Variants in PARD3B observed in about 807,000 individuals in gnomAD.
PARD3B encodes the protein par-3 family cell polarity regulator beta.
Under a neutral mutation model 130.2 loss-of-function variants are expected in PARD3B, and 103 were observed. The ratio of observed to expected loss-of-function variants is 0.79; its 90% CI spans 0.67 to 0.93. The LOEUF (loss-of-function observed/expected upper bound fraction) is 0.93, where lower values mean the gene tolerates loss of function less well. PARD3B is among the 40% of genes least tolerant of loss of function. PARD3B has a pLI of 0.00. For synonymous variants in PARD3B, 583 were observed against 553.2 expected (o/e 1.05, Z -0.76); for missense variants, 1,609 against 1,499.2 (o/e 1.07, Z -1.21).
chr2:205,130,219 T>A (rs1406469026), intron 10 of PARD3B, among the ~76,000 whole-genome samples: 1 of 152,136 alleles, frequency 6.6e-6, no homozygotes, highest in Non-Finnish European at 1.5e-5. Flanking sequence ...GAAGGTACTT[T>A]GAGATTAGTT....
intron 1 of PARD3B, among the ~76,000 whole-genome samples, chr2:204,552,749 A>T (rs1279451754): frequency 6.6e-6 from 1 of 152,178 alleles, no homozygotes; most frequent in Non-Finnish European, 1.5e-5. Flanking sequence ...CATTTGTTGA[A>T]TAGGGTGTCC....
At chr2:205,156,079 G>A (rs1300381630) in intron 10 of PARD3B, among the ~76,000 whole-genome samples, 31 of 152,056 alleles carry the variant, frequency 2.0e-4, no homozygotes, top group Non-Finnish European at 3.2e-4. Context: ...ATACTATGCA[G>A]CCATAAAAAA....
intron 1 of PARD3B, among the ~76,000 whole-genome samples, chr2:204,680,262 T>C (rs1262554176): frequency 6.6e-6 from 1 of 152,048 alleles, no homozygotes; most frequent in Admixed American, 6.5e-5. Flanking sequence ...TTCTTGTTGT[T>C]TTTGTATTAA....
intron 20 of PARD3B, among the ~76,000 whole-genome samples, chr2:205,496,345 C>T (rs1203001501): frequency 2.0e-5 from 3 of 152,020 alleles, no homozygotes; most frequent in Non-Finnish European, 4.4e-5. Context: ...ACCTTAAATA[C>T]CTATTTAGGA....
rs115140375 is a variant in PARD3B, at chr2:205,290,912, T to C, written c.2186-9618T>C. 8.0e-3 allele frequency among the ~76,000 whole-genome samples: 1,220 copies of C among 152,252 alleles called. 23 individuals are homozygous for C. Among genetic ancestry groups the C allele is most frequent in the African/African-American group, 0.027 (1,142 of 41,544 alleles). ...AGATGGCCATCTGTGAACCAGGAAG[T>C]AGGTCCTCAACAGACACTGAATCTG... On this transcript the variant is annotated intron_variant, in intron 16 of 22. Transcript: ENST00000406610.
At chr2:204,613,333 T>C (rs888029737) in intron 1 of PARD3B, among the ~76,000 whole-genome samples, 1 of 152,156 alleles carries the variant, frequency 6.6e-6, no homozygotes, top group African/African-American at 2.4e-5. Context: ...TTACCTGCCT[T>C]GTACCTCCAA....
At chr2:204,635,529 T>A (rs1411960137) in intron 1 of PARD3B, among the ~76,000 whole-genome samples, 1 of 152,212 alleles carries the variant, frequency 6.6e-6, no homozygotes, top group African/African-American at 2.4e-5. Context: ...TTGGAAATGT[T>A]ATCTGTTCTT....
intron 2 of PARD3B, among the ~76,000 whole-genome samples, chr2:204,798,484 G>A (rs551660914): frequency 3.9e-4 from 60 of 152,280 alleles, no homozygotes; most frequent in South Asian, 1.2e-3. Flanking sequence ...AATTCCTGGG[G>A]AAGTCCCAGT....
intron 1 of PARD3B, among the ~76,000 whole-genome samples, chr2:204,563,317 C>T (rs1004544914): frequency 5.4e-5 from 8 of 148,346 alleles, no homozygotes; most frequent in Non-Finnish European, 8.9e-5. Context: ...TTAGGGTCCA[C>T]CCTAATGACC....
chr2:205,238,938 A>G (rs1389643888), intron 15 of PARD3B, among the ~76,000 whole-genome samples: 1 of 90,968 alleles, frequency 1.1e-5, no homozygotes, highest in Non-Finnish European at 2.1e-5. Context: ...ATGTATGTGC[A>G]TATATATATA....
Position 204,726,206 on chromosome 2 carries a change from A to T in PARD3B, c.222+39924A>T, listed in dbSNP as rs1224229659. On this transcript the variant is annotated intron_variant, in intron 2 of 22. Coordinates refer to ENST00000406610, the MANE Select transcript of PARD3B (RefSeq NM_001302769.2). ...TATGTTGGGTGGTGACAGATAAAGG[A>T]ATGTACCTTTTCTTATGAAGAGTAA... Among the ~76,000 whole-genome samples, 5 of 152,290 alleles carry T rather than the reference A, an allele frequency of 3.3e-5. No individual in the cohort carries two copies. The East Asian group carries it at 9.7e-4, about 29-fold the overall frequency.
At chr2:205,423,124 T>C (rs1207189753) in intron 19 of PARD3B, among the ~76,000 whole-genome samples, 1 of 152,154 alleles carries the variant, frequency 6.6e-6, no homozygotes, top group Admixed American at 6.6e-5. Flanking sequence ...TCTGACAGAA[T>C]CACCATAGAC....
intron 3 of PARD3B, among the ~76,000 whole-genome samples, chr2:204,999,611 A>G (rs1315806978): frequency 2.0e-5 from 3 of 152,206 alleles, no homozygotes; most frequent in Non-Finnish European, 4.4e-5. Flanking sequence ...CAGAGCCACA[A>G]TCCCACTGAT....
rs1678372812 is a variant in PARD3B at position 205,589,333 on chromosome 2, T to A, written c.3261-26123T>A. On this transcript the variant is annotated intron_variant, in intron 22 of 22. Coordinates refer to ENST00000406610, the MANE Select transcript of PARD3B (RefSeq NM_001302769.2). The surrounding 1 kb of genome is among the most constrained non-coding windows in gnomAD (Gnocchi z 4.1). Reference sequence around the variant, plus strand: ...ATCAAATCCTGAGCCATATCACTCTTTTTATCAAATCACTATGCCACAGGA... The same window carrying A: ...ATCAAATCCTGAGCCATATCACTCTATTTATCAAATCACTATGCCACAGGA... Among the ~76,000 whole-genome samples, 1 of 152,172 alleles carries A rather than the reference T, an allele frequency of 6.6e-6. No homozygotes were observed. The highest frequency in any genetic ancestry group is 6.5e-5 in the Admixed American group (1 of 15,278).
intron 1 of PARD3B, among the ~76,000 whole-genome samples, chr2:204,587,052 G>A (rs1488176107): frequency 2.6e-5 from 4 of 152,152 alleles, no homozygotes; most frequent in African/African-American, 9.7e-5. Flanking sequence ...TGTAAAAATG[G>A]AGTGGAAACA....
Position 205,281,825 on chromosome 2 carries a change from T to G in PARD3B, c.2186-18705T>G, listed in dbSNP as rs1285313180. 2.6e-5 allele frequency among the ~76,000 whole-genome samples: 4 copies of G among 152,132 alleles called. No individual in the cohort carries two copies. The highest frequency in any genetic ancestry group is 5.9e-5 in the Non-Finnish European group (4 of 68,002). ...TAAAAAAGAGGAAGAAAAAGAAATT[T>G]TATACATGAGTTTACCCCTGAAATG... On this transcript the variant is annotated intron_variant, in intron 16 of 22. Coordinates refer to ENST00000406610, the MANE Select transcript of PARD3B (RefSeq NM_001302769.2). This position sits in a 1 kb window ranked among gnomAD's most constrained non-coding sequence, Gnocchi z 4.2.
chr2:205,263,622 C>A lies in PARD3B; in HGVS notation c.2185+17800C>A, dbSNP rs2040399511. Among the ~76,000 whole-genome samples the A allele has an allele frequency of 6.6e-6, 1 of 150,920 alleles. No homozygotes were observed. Among genetic ancestry groups the A allele is most frequent in the Admixed American group, 6.6e-5 (1 of 15,098 alleles). On this transcript the variant is annotated intron_variant, in intron 16 of 22. Coordinates refer to ENST00000406610, the MANE Select transcript of PARD3B (RefSeq NM_001302769.2). The surrounding 1 kb of genome is among the most constrained non-coding windows in gnomAD (Gnocchi z 4.0). Reference sequence around the variant, plus strand: ...TGTGAGCACTAAAACTATAAAACTTCTAGAAAACAAATGGGAGAAATTTTA... The same window carrying A: ...TGTGAGCACTAAAACTATAAAACTTATAGAAAACAAATGGGAGAAATTTTA...
chr2:204,646,780 C>T (rs1244950027), intron 1 of PARD3B, among the ~76,000 whole-genome samples: 2 of 151,922 alleles, frequency 1.3e-5, no homozygotes, highest in Non-Finnish European at 2.9e-5. Flanking sequence ...TACAGCTGCT[C>T]CTTTATAATG....
intron 22 of PARD3B, among the ~76,000 whole-genome samples, chr2:205,587,317 A>G (rs954851698): frequency 6.6e-6 from 1 of 152,176 alleles, no homozygotes; most frequent in Non-Finnish European, 1.5e-5. Flanking sequence ...TAGCATTTTT[A>G]TGAAGAAGCT....
Sources: allele counts gnomAD v4.1 joint callset (sites outside exome capture counted in the v4.1 genomes callset), GRCh38; gene constraint gnomAD v4.1.1; non-coding constraint Gnocchi (gnomAD v3.1); transcripts MANE v1.5; gene names NCBI Gene and HGNC (gene_info 2026-07-23, HGNC 2026-07-21).